Variants in ZNF792 observed in about 807,000 individuals in gnomAD.
ZNF792 encodes the protein zinc finger protein 792.
A neutral mutation model predicts 13.1 loss-of-function variants in ZNF792; 14 were observed. The observed-to-expected ratio is 1.07, with a 90% CI of 0.71 to 1.67. ZNF792 has a LOEUF of 1.67. Ranked by LOEUF, ZNF792 falls within the 40% of genes most tolerant of loss-of-function variation. The pLI is 0.00. For synonymous variants in ZNF792, 257 were observed against 292.0 expected (o/e 0.88, Z 1.22); for missense variants, 740 against 807.9 (o/e 0.92, Z 1.02).
At chr19:34,963,470 G>A (rs955012128) in intron 1 of ZNF792, among the ~76,000 whole-genome samples, 160 bp downstream of exon 1, 1 of 152,108 alleles carries the variant, frequency 6.6e-6, no homozygotes, top group Non-Finnish European at 1.5e-5. Flanking sequence ...CCTGATTCAG[G>A]ATCCTAGCTG....
chr19:34,958,145 G>C lies in ZNF792; in HGVS notation c.1710C>G (p.Ala570=), dbSNP rs767272825. 2.5e-6 allele frequency: 4 copies of C among 1,613,650 alleles called. No homozygotes were observed. In the African/African-American group the frequency reaches 5.3e-5, roughly 22 times the overall value. Residue 570 remains alanine, a synonymous_variant, in exon 4 of 4, where the codon GCC becomes GCG. Coordinates refer to ENST00000404801, the MANE Select transcript of ZNF792 (RefSeq NM_175872.5). ...RPYECSECGK[A]FNQRPTLIRH... ...GAATGAGGGTAGGCCTTTGGTTGAA[G>C]GCTTTCCCACATTCGCTGCATTCGT...
intron 1 of ZNF792, among the ~76,000 whole-genome samples, chr19:34,962,388 C>T (rs993015463): frequency 3.9e-5 from 6 of 152,148 alleles, no homozygotes; most frequent in African/African-American, 9.7e-5. Context: ...GGCTCCTGTT[C>T]GTAGGTGGGT....
chr19:34,957,671 C>A lies in ZNF792; in HGVS notation c.*285G>T, dbSNP rs919815530. On this transcript the variant is annotated 3_prime_UTR_variant, in exon 4 of 4. Transcript: ENST00000404801. Reference sequence around the variant, plus strand: ...TGGCAAAACCCTGCTCAGGTCTTCACAGCCAAAAGCTGGTCATGTCCATGG... The same window carrying A: ...TGGCAAAACCCTGCTCAGGTCTTCAAAGCCAAAAGCTGGTCATGTCCATGG... 1 of 360,054 alleles carries A rather than the reference C, an allele frequency of 2.8e-6. No individual in the cohort carries two copies. The highest frequency in any genetic ancestry group is 2.1e-5 in the African/African-American group (1 of 47,956). The allele number at this position is 360,054 out of a possible 1,614,324, so 22.3% of individuals were successfully genotyped here.
Position 34,958,528 on chromosome 19 carries a change from C to A in ZNF792, c.1327G>T (p.Val443Phe). 1 of 1,595,408 alleles carries A rather than the reference C, an allele frequency of 6.3e-7. No homozygotes were observed. The highest frequency in any genetic ancestry group is 2.2e-5 in the East Asian group (1 of 44,774). Residue 443 changes from valine to phenylalanine, a missense_variant, in exon 4 of 4, where the codon GTT becomes TTT. Coordinates refer to ENST00000404801, the MANE Select transcript of ZNF792 (RefSeq NM_175872.5). ...HIASLIQHQIVHTGERPHGCG... is the reference protein window; with the variant it reads ...HIASLIQHQIFHTGERPHGCG... The stretch of plus-strand genomic sequence containing the variant: ...CCGTGAGGCCGCTCGCCAGTGTGAA[C>A]TATCTGATGTTGAATGAGGCTGGCA...
chr19:34,958,145 G>A lies in ZNF792; in HGVS notation c.1710C>T (p.Ala570=). The change falls in exon 4 of 4, where the codon GCC becomes GCT. Residue 570 remains alanine, a synonymous_variant. Transcript: ENST00000404801. ...RPYECSECGK[A]FNQRPTLIRH... ...GAATGAGGGTAGGCCTTTGGTTGAA[G>A]GCTTTCCCACATTCGCTGCATTCGT... is the stretch of plus-strand genomic sequence containing the variant. 1 of 1,613,768 alleles carries A rather than the reference G, an allele frequency of 6.2e-7. No individual in the cohort carries two copies.
At chr19:34,960,627 G>A (rs936766876) in intron 2 of ZNF792, 16 of 691,424 alleles carry the variant, frequency 2.3e-5, no homozygotes, top group Admixed American at 1.7e-4. Context: ...ACAGCTAACC[G>A]CAAGACCCCT....
chr19:34,962,880 C>T lies in ZNF792; in HGVS notation c.33+750G>A, dbSNP rs969229872. On this transcript the variant is annotated intron_variant, in intron 1 of 3. Coordinates refer to ENST00000404801, the MANE Select transcript of ZNF792 (RefSeq NM_175872.5). ...TCTACTGCTTCCATGGAAAATTCCT[C>T]CTAAAACCAACTTCTCAGTTCATAA... Among the ~76,000 whole-genome samples the T allele has an allele frequency of 2.6e-5, 4 of 152,156 alleles. No individual in the cohort carries two copies. In the East Asian group the frequency reaches 7.7e-4, roughly 29 times the overall value.
Position 34,960,942 on chromosome 19 carries a change from A to G in ZNF792, c.86T>C (p.Val29Ala), listed in dbSNP as rs1489551022. The G allele has an allele frequency of 6.2e-7, 1 of 1,613,924 alleles. No homozygotes were observed. The highest frequency in any genetic ancestry group is 1.1e-5 in the South Asian group (1 of 91,074). The change falls in exon 2 of 4, where the codon GTG (valine) becomes GCG (alanine). Residue 29 changes from valine (V) to alanine (A), a missense_variant. Transcript: ENST00000404801. ...VTIYFSQEEW[V>A]LLDEAQRLLY... is the part of the protein sequence containing the mutation. ...GAGTCTCTGAGCCTCATCGAGGAGC[A>G]CCCACTCCTCCTGGGAGAAGTAAAT... is the stretch of plus-strand genomic sequence containing the variant.
Position 34,960,843 on chromosome 19 carries a change from A to G in ZNF792, c.160+25T>C, listed in dbSNP as rs764947389. 5 of 1,613,732 alleles carry G rather than the reference A, an allele frequency of 3.1e-6. No individual in the cohort carries two copies. The East Asian group carries it at 8.9e-5, about 29-fold the overall frequency. On this transcript the variant is annotated intron_variant, in intron 2 of 3. Coordinates refer to ENST00000404801, the MANE Select transcript of ZNF792 (RefSeq NM_175872.5). ...GGACAGGCAGAGAGGAGCTCGGGAC[A>G]CCGGGGTAGGGGTGACAGCCTTACC... is the stretch of plus-strand genomic sequence containing the variant.
chr19:34,959,426 G>A lies in ZNF792; in HGVS notation c.429C>T (p.Asp143=), dbSNP rs1315184754. The A allele has an allele frequency of 1.2e-6, 2 of 1,614,168 alleles. No individual in the cohort carries two copies. Among genetic ancestry groups the A allele is most frequent in the African/African-American group, 1.3e-5 (1 of 75,054 alleles). ...PCDICGLRLK[D]ILHLAEHQTT... ...TCTGGTGTTCAGCCAAATGCAAAATGTCTTTCAAACGTAGGCCACATATGT... is the reference window on the plus strand; with the variant it reads ...TCTGGTGTTCAGCCAAATGCAAAATATCTTTCAAACGTAGGCCACATATGT... Residue 143 remains aspartate, a synonymous_variant, in exon 4 of 4, where the codon GAC becomes GAT. Coordinates refer to ENST00000404801, the MANE Select transcript of ZNF792 (RefSeq NM_175872.5).
At position 34,963,885 on chromosome 19, in the gene ZNF792, C is replaced by T; in HGVS notation, c.-223G>A. ...CGAGAGCGCGCAGCTCCGCTGGGTA[C>T]CCCCGTTGCAAGGGGTCACGGCTGG... On this transcript the variant is annotated 5_prime_UTR_variant, in exon 1 of 4. Transcript: ENST00000404801. 1 of 545,446 alleles carries T rather than the reference C, an allele frequency of 1.8e-6. No homozygotes were observed. Among genetic ancestry groups the T allele is most frequent in the Non-Finnish European group, 3.2e-6 (1 of 316,098 alleles). The allele number at this position is 545,446 out of a possible 1,614,324, so 33.8% of individuals were successfully genotyped here. A position where few individuals can be genotyped will look rare whatever the true frequency, so the allele number is the denominator to read the frequency against.
rs781041988 is a variant in ZNF792, at chr19:34,958,496, A to C, written c.1359T>G (p.Gly453=). 6.3e-7 allele frequency: 1 copy of C among 1,586,392 alleles called. No individual in the cohort carries two copies. The highest frequency in any genetic ancestry group is 1.1e-5 in the South Asian group (1 of 87,086). ...VHTGERPHGC[G]ECGKAFSRSS... ...TTCGGCTGAAGGCTTTCCCACACTC[A>C]CCACACCCGTGAGGCCGCTCGCCAG... is the stretch of plus-strand genomic sequence containing the variant. Residue 453 remains glycine, a synonymous_variant, in exon 4 of 4, where the codon GGT becomes GGG. Transcript: ENST00000404801.
At position 34,958,893 on chromosome 19, in the gene ZNF792, T is replaced by G. The variant is rs765203159; in HGVS notation, c.962A>C (p.Gln321Pro). 1 of 1,613,528 alleles carries G rather than the reference T, an allele frequency of 6.2e-7. No individual in the cohort carries two copies. Among genetic ancestry groups the G allele is most frequent in the Non-Finnish European group, 8.5e-7 (1 of 1,179,550 alleles). The change falls in exon 4 of 4, where the codon CAG becomes CCG. Residue 321 changes from glutamine to proline, a missense_variant. Gln to Pro is a moderately conservative substitution (Grantham distance 76). Coordinates refer to ENST00000404801, the MANE Select transcript of ZNF792 (RefSeq NM_175872.5). ...GCGATGTTTAACAAGGCTGGAGTGC[T>G]GGCTGAAGAATTTTCCACATTCACA... ...ECCECGKFFS[Q>P]HSSLVKHRRV...
chr19:34,960,391 A>G, intron 2 of ZNF792, 34 bp from the exon 3 acceptor site: 1 of 1,605,500 alleles, frequency 6.2e-7, no homozygotes. Flanking sequence ...AGTGGCCAGC[A>G]CCTGCCCAGT....
In ZNF792 at chr19:34,961,677, T is replaced by C. The variant is rs117802202; in HGVS notation, c.34-683A>G. Among the ~76,000 whole-genome samples the C allele has an allele frequency of 4.2e-4, 64 of 152,200 alleles. 1 individual carries two copies. In the East Asian group the frequency reaches 9.1e-3, roughly 22 times the overall value. ...GGATGTCACATACACTTGGCCTTCTTTGTTGCACATTCTGACCCTGTCATC... is the reference window on the plus strand; with the variant it reads ...GGATGTCACATACACTTGGCCTTCTCTGTTGCACATTCTGACCCTGTCATC... On this transcript the variant is annotated intron_variant, in intron 1 of 3. Coordinates refer to ENST00000404801, the MANE Select transcript of ZNF792 (RefSeq NM_175872.5).
intron 3 of ZNF792, 139 bp downstream of exon 3, chr19:34,960,096 A>G (rs2013503587): frequency 7.8e-7 from 1 of 1,280,450 alleles, no homozygotes; most frequent in Non-Finnish European, 1.1e-6. Context: ...TAATGTGTCA[A>G]GCACGGGGAA....
At position 34,963,693 on chromosome 19, in the gene ZNF792, G is replaced by A; in HGVS notation, c.-31C>T. The A allele has an allele frequency of 3.2e-6, 5 of 1,567,852 alleles. No homozygotes were observed. The highest frequency in any genetic ancestry group is 4.3e-6 in the Non-Finnish European group (5 of 1,160,872). On this transcript the variant is annotated 5_prime_UTR_variant, in exon 1 of 4. Transcript: ENST00000404801. ...TCTGTGGTCAGAGCAGGGCCCCACGGTGCGGGAAACCACGGGGCGGGGGTA... is the reference window on the plus strand; with the variant it reads ...TCTGTGGTCAGAGCAGGGCCCCACGATGCGGGAAACCACGGGGCGGGGGTA...
rs1330897064 is a variant in ZNF792, at chr19:34,958,080, T to C, written c.1775A>G (p.Asn592Ser). ...GTGCTGTGAACAGGGAAGGAGCACA[T>C]TCTCCATGCTCCTTTCTCTGATGTG... Reference protein sequence around the residue: ...KIHIRERSMENVLLPCSQHTP... With the variant: ...KIHIRERSMESVLLPCSQHTP... Residue 592 changes from asparagine to serine, a missense_variant, in exon 4 of 4, where the codon AAT becomes AGT. By Grantham distance (46) the Asn-to-Ser change is conservative (BLOSUM62 1). Transcript: ENST00000404801. 3.7e-6 allele frequency: 6 copies of C among 1,612,604 alleles called. No individual in the cohort carries two copies. The highest frequency in any genetic ancestry group is 4.2e-6 in the Non-Finnish European group (5 of 1,179,266).
At chr19:34,963,005 C>T (rs982508324) in intron 1 of ZNF792, among the ~76,000 whole-genome samples, 9 of 152,184 alleles carry the variant, frequency 5.9e-5, no homozygotes, top group African/African-American at 1.9e-4. Context: ...ACATCAAGTT[C>T]CCAATCACTT....
Sources: gnomAD v4.1 joint callset for allele counts (sites outside exome capture counted in the v4.1 genomes callset) on GRCh38, gnomAD v4.1.1 for gene constraint, MANE v1.5 for transcripts, NCBI Gene and HGNC (gene_info 2026-07-23, HGNC 2026-07-21) for gene names.